DZIP3: variants seen among roughly 807,000 people sequenced by gnomAD.
DZIP3 encodes the protein E3 ubiquitin-protein ligase DZIP3.
In DZIP3, 118 loss-of-function variants were observed where a neutral mutation model predicts 162.0. That is an observed-to-expected ratio of 0.73 (90% CI 0.63 to 0.85). The LOEUF is 0.85. DZIP3 is among the 40% of genes least tolerant of loss of function. The probability of loss-of-function intolerance (pLI) is 0.00; values close to 1 mark genes in which losing one functional copy is unlikely to be tolerated. For missense variants in DZIP3, 1,331 were observed against 1,407.0 expected (o/e 0.95, Z 0.86); for synonymous variants, 438 against 458.6 (o/e 0.96, Z 0.57).
intron 7 of DZIP3, among the ~76,000 whole-genome samples, chr3:108,627,314 A>G (rs1941631988): frequency 6.6e-6 from 1 of 152,210 alleles, no homozygotes; most frequent in African/African-American, 2.4e-5. Flanking sequence ...GTATGGCAGT[A>G]TCATTACTTT....
chr3:108,684,120 G>A (rs1342649857), intron 26 of DZIP3, 96 bp from the exon 27 acceptor site: 9 of 1,357,650 alleles, frequency 6.6e-6, no homozygotes, highest in African/African-American at 4.4e-5. Flanking sequence ...TGTTCCCCCC[G>A]CCATATTGCT....
chr3:108,648,937 A>T lies in DZIP3; in HGVS notation c.1982A>T (p.Lys661Ile). Residue 661 changes from lysine to isoleucine, a missense_variant, in exon 17 of 33, where the codon AAA becomes ATA. Around this residue, in one of 2 missense-constraint regions of DZIP3, gnomAD observed 1,278 missense variants for 1,317.1 expected, o/e 0.97. Transcript: ENST00000361582. ...DLQEVKSKQRKKKKTKNKKNK... is the reference protein window; with the variant it reads ...DLQEVKSKQRIKKKTKNKKNK... ...TACTAGGTTAAGAGTAAACAAAGGA[A>T]AAAGAAGAAGACTAAGAATAAAAAG... The T allele has an allele frequency of 8.6e-7, 1 of 1,168,392 alleles. No individual in the cohort carries two copies. The highest frequency in any genetic ancestry group is 1.5e-5 in the South Asian group (1 of 68,962). The allele number at this position is 1,168,392 out of a possible 1,614,324, so 72.4% of individuals were successfully genotyped here. A position where few individuals can be genotyped will look rare whatever the true frequency, so the allele number is the denominator to read the frequency against.
chr3:108,652,752 G>T (rs1942921947), intron 18 of DZIP3, among the ~76,000 whole-genome samples: 2 of 151,882 alleles, frequency 1.3e-5, no homozygotes, highest in South Asian at 4.1e-4. Flanking sequence ...GTTTTATATT[G>T]TATTTTTACT....
chr3:108,632,721 G>GTTTATATC (rs1388454648), intron 8 of DZIP3, among the ~76,000 whole-genome samples: 1 of 152,126 alleles, frequency 6.6e-6, no homozygotes, highest in African/African-American at 2.4e-5. Context: ...CATTCTCCAT[G>GTTTATATC]TTTATATCAT....
chr3:108,658,806 G>T (rs1473701658), intron 19 of DZIP3, among the ~76,000 whole-genome samples: 1 of 152,022 alleles, frequency 6.6e-6, no homozygotes, highest in Non-Finnish European at 1.5e-5. Context: ...TGATAAAGGG[G>T]ATATCACCAC....
At chr3:108,618,470 AG>A in intron 5 of DZIP3, among the ~76,000 whole-genome samples, 1 of 152,228 alleles carries the variant, frequency 6.6e-6, no homozygotes, top group African/African-American at 2.4e-5. Flanking sequence ...TAGGGCACAG[AG>A]GTTAAATAAC....
intron 1 of DZIP3, among the ~76,000 whole-genome samples, chr3:108,598,628 G>A (rs555650938): frequency 2.0e-4 from 31 of 152,168 alleles, no homozygotes; most frequent in Non-Finnish European, 3.1e-4. Flanking sequence ...TTTCATTGGT[G>A]GTGGTAGAGG....
At chr3:108,679,461 A>T (rs1478774984) in intron 26 of DZIP3, among the ~76,000 whole-genome samples, 1 of 152,084 alleles carries the variant, frequency 6.6e-6, no homozygotes, top group Non-Finnish European at 1.5e-5. Flanking sequence ...CTTTGCTAAC[A>T]TTCTGAGGGG....
At chr3:108,660,286 C>G (rs1267038046) in intron 19 of DZIP3, among the ~76,000 whole-genome samples, 2 of 152,180 alleles carry the variant, frequency 1.3e-5, no homozygotes, top group Admixed American at 1.3e-4. Context: ...GGTACCAAAA[C>G]AGAGATATAG....
intron 12 of DZIP3, among the ~76,000 whole-genome samples, chr3:108,640,818 GCTTT>G: frequency 6.6e-6 from 1 of 152,122 alleles, no homozygotes; most frequent in East Asian, 1.9e-4. Flanking sequence ...AGCTACTCCA[GCTTT>G]CTTTTGATTA....
At chr3:108,600,047 C>G (rs1434918714) in intron 1 of DZIP3, among the ~76,000 whole-genome samples, 1 of 152,154 alleles carries the variant, frequency 6.6e-6, no homozygotes, top group Admixed American at 6.5e-5. Flanking sequence ...CAAGGAACTC[C>G]TATCACAAAA....
rs80215546 is a variant in DZIP3 at position 108,591,994 on chromosome 3, A to C, written c.-73+2155A>C. ...AGACCCTGTCAAAAAAAAAAAAAAA[A>C]AAAGAGATGAGTCTGGGTCCCAATG... On this transcript the variant is annotated intron_variant, in intron 1 of 32. Transcript: ENST00000361582. Among the ~76,000 whole-genome samples, 303 of 152,016 alleles carry C rather than the reference A, an allele frequency of 2.0e-3. 1 individual carries two copies. The highest frequency in any genetic ancestry group is 0.01 in the Middle Eastern group (3 of 294).
intron 5 of DZIP3, among the ~76,000 whole-genome samples, chr3:108,622,153 C>A (rs764490560): frequency 3.3e-5 from 5 of 152,064 alleles, no homozygotes; most frequent in Non-Finnish European, 5.9e-5. Flanking sequence ...CATGTTCTCA[C>A]TCATTTTTGG....
chr3:108,601,452 T>C (rs551386938), intron 1 of DZIP3, among the ~76,000 whole-genome samples: 1 of 152,294 alleles, frequency 6.6e-6, no homozygotes, highest in East Asian at 1.9e-4. Flanking sequence ...AAAAACTGTA[T>C]TCCTTTCCTG....
At chr3:108,628,170 C>T (rs1243534601) in intron 7 of DZIP3, among the ~76,000 whole-genome samples, 6 of 152,178 alleles carry the variant, frequency 3.9e-5, no homozygotes, top group Admixed American at 2.0e-4. Flanking sequence ...AGCCACCGCA[C>T]CCAGCCAGTA....
At chr3:108,637,155 T>C (rs1942193488) in intron 11 of DZIP3, among the ~76,000 whole-genome samples, 1 of 152,038 alleles carries the variant, frequency 6.6e-6, no homozygotes, top group Admixed American at 6.6e-5. Context: ...TTTTAATTAA[T>C]GAAATATCTT....
chr3:108,661,474 G>A lies in DZIP3; in HGVS notation c.2200-403G>A, dbSNP rs141916696. On this transcript the variant is annotated intron_variant, in intron 19 of 32. Transcript: ENST00000361582. ...CACAGGAAGGGGAACATCACACATC[G>A]GGGCCTGTTGTGAGGTGGAGGGAGG... Among the ~76,000 whole-genome samples, 1,036 of 152,148 alleles carry A rather than the reference G, an allele frequency of 6.8e-3. 10 individuals carry two copies. The highest frequency in any genetic ancestry group is 0.023 in the African/African-American group (940 of 41,496).
intron 5 of DZIP3, among the ~76,000 whole-genome samples, chr3:108,617,279 GATAA>G (rs768369898): frequency 6.6e-6 from 1 of 152,084 alleles, no homozygotes; most frequent in Admixed American, 6.6e-5. Context: ...CCACAAAAAT[GATAA>G]ATATGTGAGG....
intron 22 of DZIP3, among the ~76,000 whole-genome samples, chr3:108,670,195 A>T (rs1333117559): frequency 2.6e-5 from 4 of 151,906 alleles, no homozygotes; most frequent in African/African-American, 9.7e-5. Flanking sequence ...TATACAATTT[A>T]TTGATTTAGA....
Sources: gnomAD v4.1 joint callset for allele counts (sites outside exome capture counted in the v4.1 genomes callset) on GRCh38, gnomAD v4.1.1 for gene constraint, gnomAD v4.1.1 regional missense constraint, MANE v1.5 for transcripts, NCBI Gene and HGNC (gene_info 2026-07-23, HGNC 2026-07-21) for gene names.